MTA1: variants seen among roughly 807,000 people sequenced by gnomAD.
MTA1 encodes metastasis associated 1.
A neutral mutation model predicts 97.0 loss-of-function variants in MTA1; 15 were observed. That is an observed-to-expected ratio of 0.15 (90% CI 0.10 to 0.24). The LOEUF is 0.24. MTA1 is among the 10% of genes least tolerant of loss of function. The pLI is 1.00. For missense variants in MTA1, 709 were observed against 1,015.1 expected, an observed-to-expected ratio of 0.70 and a Z score of 4.10; for synonymous variants, 435 against 417.5, an observed-to-expected ratio of 1.04 and a Z score of -0.51.
chr14:105,464,873 C>T lies in MTA1; in HGVS notation c.1534+10C>T, dbSNP rs782433918. ...GCCATCAAGGCCGAGTGTGAGTCAC[C>T]CCAACGCCCCGCTTACTCTGTTCCT... On this transcript the variant is annotated intron_variant, in intron 15 of 20. Transcript: ENST00000331320. The T allele has an allele frequency of 7.7e-6, 12 of 1,555,962 alleles. No individual in the cohort carries two copies. Among genetic ancestry groups the T allele is most frequent in the South Asian group, 1.2e-5 (1 of 85,416 alleles).
intron 10 of MTA1, among the ~76,000 whole-genome samples, chr14:105,462,622 C>A (rs2083400656): frequency 6.6e-6 from 1 of 151,490 alleles, no homozygotes; most frequent in Admixed American, 6.6e-5. Context: ...CCTATAATCC[C>A]ATTTGGGAGG....
In MTA1 at chr14:105,455,911, G is replaced by A. The variant is rs1408239921; in HGVS notation, c.550+1601G>A. Among the ~76,000 whole-genome samples, 5 of 151,954 alleles carry A rather than the reference G, an allele frequency of 3.3e-5. No individual in the cohort carries two copies. In the East Asian group the frequency reaches 7.7e-4, roughly 24 times the overall value. ...CTGTGGGTCGGAGCCTGGGGAGGCC[G>A]CTGTGCTGGAGCCCGGCCTGTGGGT... On this transcript the variant is annotated intron_variant, in intron 7 of 20. Transcript: ENST00000331320.
At chr14:105,435,679 A>G (rs1466535125) in intron 1 of MTA1, among the ~76,000 whole-genome samples, 5 of 152,200 alleles carry the variant, frequency 3.3e-5, no homozygotes, top group Non-Finnish European at 5.9e-5. Context: ...GACTTCACCA[A>G]TGAAGCCATC....
Position 105,466,471 on chromosome 14 carries a change from C to T in MTA1, c.1670C>T (p.Ser557Phe). Residue 557 changes from serine to phenylalanine, a missense_variant, in exon 17 of 21, where the codon TCC (serine) becomes TTC (phenylalanine). By Grantham distance (155) the Ser-to-Phe change is radical (BLOSUM62 -2). Coordinates refer to ENST00000331320, the MANE Select transcript of MTA1 (RefSeq NM_004689.4). ...AAGCCTGACCCCGTGAAAAGCGTGT[C>T]CAGCGTGCTCAGCAGCCTGACGCCC... ...PPKPDPVKSV[S>F]SVLSSLTPAK... The T allele has an allele frequency of 2.3e-6, 3 of 1,320,948 alleles. No homozygotes were observed. Among genetic ancestry groups the T allele is most frequent in the Non-Finnish European group, 2.0e-6 (2 of 983,450 alleles). 81.8% of individuals were successfully genotyped at this position (1,320,948 alleles called of 1,614,324 possible). A position where few individuals can be genotyped will look rare whatever the true frequency, so the allele number is the denominator to read the frequency against.
In MTA1 at chr14:105,466,576, ACGGTGAGTGGCCCCCCCGCC is replaced by A. The variant is rs1181499901; in HGVS notation, c.1777+8_1777+27del. 25 of 1,573,954 alleles carry A rather than the reference ACGGTGAGTGGCCCCCCCGCC, an allele frequency of 1.6e-5. No homozygotes were observed. Among genetic ancestry groups the A allele is most frequent in the East Asian group, 2.3e-5 (1 of 42,760 alleles). On this transcript the variant is annotated splice_donor_variant and splice_donor_5th_base_variant and coding_sequence_variant and intron_variant, in exon 17 of 21. Transcript: ENST00000331320. LOFTEE classifies it high-confidence loss of function. ...AGCTACGAGCAGCACAACGGGGTGGACGGTGAGTGGCCCCCCCGCCCGGTGAGTGTGGCCCTCCCCGCCCG... is the reference window on the plus strand; with the variant it reads ...AGCTACGAGCAGCACAACGGGGTGGACGGTGAGTGTGGCCCTCCCCGCCCG...
rs1243155163 is a variant in MTA1 at position 105,420,589 on chromosome 14, C to T, written c.28+526C>T. ...CCCGGGGCTTCCCCCAGCAGGGATCCCTCAGGGGGTCTTCAGCAGGGAGCG... is the reference window on the plus strand; with the variant it reads ...CCCGGGGCTTCCCCCAGCAGGGATCTCTCAGGGGGTCTTCAGCAGGGAGCG... On this transcript the variant is annotated intron_variant, in intron 1 of 20. Coordinates refer to ENST00000331320, the MANE Select transcript of MTA1 (RefSeq NM_004689.4). This position sits in a 1 kb window ranked among gnomAD's most constrained non-coding sequence, Gnocchi z 5.3. 2.6e-5 allele frequency among the ~76,000 whole-genome samples: 4 copies of T among 152,188 alleles called. No individual in the cohort carries two copies. Among genetic ancestry groups the T allele is most frequent in the African/African-American group, 7.2e-5 (3 of 41,456 alleles).
rs370610239 is a variant in MTA1 at position 105,438,643 on chromosome 14, G to C, written c.29-29G>C. 5.5e-5 allele frequency: 89 copies of C among 1,607,292 alleles called. No individual in the cohort carries two copies. In the African/African-American group the frequency reaches 1.1e-3, roughly 20 times the overall value. On this transcript the variant is annotated intron_variant, in intron 1 of 20. Coordinates refer to ENST00000331320, the MANE Select transcript of MTA1 (RefSeq NM_004689.4). ...ACTGGGTCTGGCCTTTGGTGCCACA[G>C]GTGGCACTCTCTCTGTTGCTGTTTG... is the stretch of plus-strand genomic sequence containing the variant.
chr14:105,434,094 G>C (rs1452228304), intron 1 of MTA1, among the ~76,000 whole-genome samples: 1 of 152,204 alleles, frequency 6.6e-6, no homozygotes, highest in Non-Finnish European at 1.5e-5. Flanking sequence ...TGGCATTACA[G>C]GTGTGAGCCA....
At chr14:105,423,229 T>TC (rs2081904249) in intron 1 of MTA1, among the ~76,000 whole-genome samples, 1 of 147,126 alleles carries the variant, frequency 6.8e-6, no homozygotes, top group South Asian at 2.2e-4. Context: ...TTTTTTTTTT[T>TC]TTTTTTTTGA....
chr14:105,451,848 T>C (rs1454612157), intron 6 of MTA1, among the ~76,000 whole-genome samples: 1 of 147,024 alleles, frequency 6.8e-6, no homozygotes, highest in African/African-American at 2.6e-5. Flanking sequence ...TGGAGTACAG[T>C]GGCGCGATCT....
intron 7 of MTA1, 105 bp from the exon 8 acceptor site, chr14:105,458,165 C>T: frequency 1.1e-6 from 1 of 907,122 alleles, no homozygotes; most frequent in African/African-American, 1.6e-5. Flanking sequence ...GCCCTGCAGC[C>T]CTTCCCCCTC....
In MTA1 at chr14:105,463,787, C is replaced by T. The variant is rs587757493; in HGVS notation, c.1076+236C>T. On this transcript the variant is annotated intron_variant, in intron 12 of 20. Transcript: ENST00000331320. This position sits in a 1 kb window ranked among gnomAD's most constrained non-coding sequence, Gnocchi z 5.9. Reference sequence around the variant, plus strand: ...GGGGCATTGGGATTCCAGCCCACACCGCCAGGGTTCAGTCCCTGAGCTGGG... The same window carrying T: ...GGGGCATTGGGATTCCAGCCCACACTGCCAGGGTTCAGTCCCTGAGCTGGG... 3.9e-5 allele frequency: 24 copies of T among 622,040 alleles called. No individual in the cohort carries two copies. Among genetic ancestry groups the T allele is most frequent in the East Asian group, 5.5e-5 (2 of 36,318 alleles). 38.5% of individuals were successfully genotyped at this position (622,040 alleles called of 1,614,324 possible). A position where few individuals can be genotyped will look rare whatever the true frequency, so the allele number is the denominator to read the frequency against.
chr14:105,438,158 A>G (rs1355576145), intron 1 of MTA1, among the ~76,000 whole-genome samples: 3 of 152,060 alleles, frequency 2.0e-5, no homozygotes, highest in Non-Finnish European at 4.4e-5. Flanking sequence ...CTGTGTAGTC[A>G]CTGCTGTTGG....
At chr14:105,450,450 G>T (rs1231005558) in intron 6 of MTA1, 126 bp downstream of exon 6, 5 of 1,096,098 alleles carry the variant, frequency 4.6e-6, no homozygotes, top group Admixed American at 2.8e-5. Context: ...AGGCTGTTCT[G>T]GGGGGAAGCG....
In MTA1 at chr14:105,449,339, GCTGT is replaced by G; in HGVS notation, c.191-11_191-8del. ...CCCTGTGCTGACCGTGCTGCCGGGT[GCTGT>G]CTGTCTGTTATATAGCCCTGTCAGT... is the stretch of plus-strand genomic sequence containing the variant. On this transcript the variant is annotated splice_polypyrimidine_tract_variant and intron_variant, in intron 3 of 20. Transcript: ENST00000331320. 1 of 1,610,554 alleles carries G rather than the reference GCTGT, an allele frequency of 6.2e-7. No homozygotes were observed. The highest frequency in any genetic ancestry group is 8.5e-7 in the Non-Finnish European group (1 of 1,178,672).
rs1390293486 is a variant in MTA1, at chr14:105,430,889, C to T, written c.29-7783C>T. On this transcript the variant is annotated intron_variant, in intron 1 of 20. Transcript: ENST00000331320. ...GAAATAAAGTGTTATGGGAACACGG[C>T]CGCACTAATGGGAGGGATTCCAGTT... Among the ~76,000 whole-genome samples, 5 of 152,148 alleles carry T rather than the reference C, an allele frequency of 3.3e-5. 1 individual carries two copies. The East Asian group carries it at 9.6e-4, about 29-fold the overall frequency.
chr14:105,428,506 G>A (rs1555422714), intron 1 of MTA1, among the ~76,000 whole-genome samples: 1 of 152,090 alleles, frequency 6.6e-6, no homozygotes, highest in Non-Finnish European at 1.5e-5. Flanking sequence ...GGGCTCAAGC[G>A]ATCCTCCCAC....
In MTA1 at chr14:105,465,150, C is replaced by T; in HGVS notation, c.1591C>T (p.Arg531Cys). The T allele has an allele frequency of 2.0e-6, 3 of 1,521,854 alleles. No homozygotes were observed. Among genetic ancestry groups the T allele is most frequent in the South Asian group, 1.2e-5 (1 of 83,214 alleles). The allele number at this position is 1,521,854 out of a possible 1,614,324, so 94.3% of individuals were successfully genotyped here. ...CCCGCTGGTGCTGAAGCAGGCGGTA[C>T]GCAAGCCGCTGGAAGCCGTGCTTCG... ...QSPLVLKQAV[R>C]KPLEAVLRYL... is the part of the protein sequence containing the mutation. Residue 531 changes from arginine (R) to cysteine (C), a missense_variant, in exon 16 of 21, where the codon CGC (arginine) becomes TGC (cysteine). Coordinates refer to ENST00000331320, the MANE Select transcript of MTA1 (RefSeq NM_004689.4).
At chr14:105,450,770 T>G (rs2082896429) in intron 6 of MTA1, among the ~76,000 whole-genome samples, 1 of 152,218 alleles carries the variant, frequency 6.6e-6, no homozygotes, top group Non-Finnish European at 1.5e-5. Flanking sequence ...CACCTGTGAT[T>G]ATACGGTGTT....
Sources: allele counts gnomAD v4.1 joint callset (sites outside exome capture counted in the v4.1 genomes callset), GRCh38; gene constraint gnomAD v4.1.1; non-coding constraint Gnocchi (gnomAD v3.1); transcripts MANE v1.5; gene names NCBI Gene and HGNC (gene_info 2026-07-23, HGNC 2026-07-21).